CD55: variants seen among roughly 807,000 people sequenced by gnomAD.
CD55 encodes the protein CD55 molecule (Cromer blood group).
A neutral mutation model predicts 45.8 loss-of-function variants in CD55; 41 were observed. That is an observed-to-expected ratio of 0.90 (90% CI 0.70 to 1.16). The LOEUF (loss-of-function observed/expected upper bound fraction) is 1.16. CD55 is among the 50% of genes most tolerant of loss of function. CD55 has a pLI of 0.00. For synonymous variants in CD55, 181 were observed against 181.1 expected (o/e 1.00, Z 0.01); for missense variants, 416 against 469.8 (o/e 0.89, Z 1.06).
In CD55 at chr1:207,331,177, A is replaced by G; in HGVS notation, c.734A>G (p.Tyr245Cys). 6.2e-7 allele frequency: 1 copy of G among 1,613,346 alleles called. No homozygotes were observed. The highest frequency in any genetic ancestry group is 8.5e-7 in the Non-Finnish European group (1 of 1,179,296). Residue 245 changes from tyrosine to cysteine, a missense_variant, in exon 6 of 10, where the codon TAT (tyrosine) becomes TGT (cysteine). This residue lies in a region of CD55 where 182 missense variants were observed against 201.4 expected (regional missense o/e 0.90). Transcript: ENST00000367064. The part of the protein sequence containing the change: ...IIQGERDHYG[Y>C]RQSVTYACNK... ...CAAGGGGAACGTGACCATTATGGAT[A>G]TAGACAGTCTGTAACGTATGCATGT...
Position 207,322,416 on chromosome 1 carries a change from C to T in CD55, c.135C>T (p.Ala45=). ...GCCTTCCCCCAGATGTACCTAATGC[C>T]CAGCCAGCTTTGGAAGGCCGTACAA... The part of the protein sequence containing the change: ...DCGLPPDVPN[A]QPALEGRTSF... Residue 45 remains alanine, a synonymous_variant, in exon 2 of 10, where the codon GCC becomes GCT. Transcript: ENST00000367064. 6.2e-7 allele frequency: 1 copy of T among 1,614,110 alleles called. No homozygotes were observed. The highest frequency in any genetic ancestry group is 8.5e-7 in the Non-Finnish European group (1 of 1,179,968).
At chr1:207,333,229 T>G (rs1655025671) in intron 6 of CD55, among the ~76,000 whole-genome samples, 1 of 152,196 alleles carries the variant, frequency 6.6e-6, no homozygotes, top group African/African-American at 2.4e-5. Context: ...ACATCTGTGC[T>G]CATTTTGAAA....
At chr1:207,349,554 CTCTG>C (rs1655784425) in intron 9 of CD55, among the ~76,000 whole-genome samples, 1 of 152,090 alleles carries the variant, frequency 6.6e-6, no homozygotes, top group Non-Finnish European at 1.5e-5. Flanking sequence ...TTTGTATTGT[CTCTG>C]TCTTCTTTGT....
intron 5 of CD55, among the ~76,000 whole-genome samples, chr1:207,330,704 G>C (rs1401690065): frequency 6.6e-6 from 1 of 152,118 alleles, no homozygotes; most frequent in Admixed American, 6.5e-5. Flanking sequence ...TCAAAAGCAT[G>C]GTACATATTA....
chr1:207,327,524 C>T (rs1216775978), intron 5 of CD55, among the ~76,000 whole-genome samples: 2 of 152,138 alleles, frequency 1.3e-5, no homozygotes, highest in Non-Finnish European at 2.9e-5. Flanking sequence ...ACACATGTCT[C>T]TTGGAAATTG....
chr1:207,359,815 T>C lies in CD55; in HGVS notation c.*205T>C. On this transcript the variant is annotated 3_prime_UTR_variant, in exon 10 of 10. Transcript: ENST00000367064. ...CACATTCTTAGCACACCTACACCTCTTGAAAATAGAACAACTTGCAGAATT... is the reference window on the plus strand; with the variant it reads ...CACATTCTTAGCACACCTACACCTCCTGAAAATAGAACAACTTGCAGAATT... 1 of 441,068 alleles carries C rather than the reference T, an allele frequency of 2.3e-6. No individual in the cohort carries two copies. The highest frequency in any genetic ancestry group is 8.2e-5 in the South Asian group (1 of 12,188). The allele number at this position is 441,068 out of a possible 1,614,324, so 27.3% of individuals were successfully genotyped here. A position where few individuals can be genotyped will look rare whatever the true frequency, so the allele number is the denominator to read the frequency against.
At chr1:207,346,590 C>T (rs577469023) in intron 9 of CD55, among the ~76,000 whole-genome samples, 1 of 152,280 alleles carries the variant, frequency 6.6e-6, no homozygotes, top group Admixed American at 6.5e-5. Context: ...CAGCCCAAAG[C>T]AGCCAGCAGC....
At chr1:207,322,878 C>T (rs1189672583) in intron 2 of CD55, among the ~76,000 whole-genome samples, 4 of 152,082 alleles carry the variant, frequency 2.6e-5, no homozygotes, top group South Asian at 2.1e-4. Flanking sequence ...AGACACATAG[C>T]GTAAATGATA....
At chr1:207,343,876 T>C (rs945291273) in intron 9 of CD55, among the ~76,000 whole-genome samples, 3 of 152,258 alleles carry the variant, frequency 2.0e-5, no homozygotes, top group African/African-American at 4.8e-5. Context: ...AATTGTTATA[T>C]CCTCTTGCTG....
chr1:207,335,891 C>G (rs1436384447), intron 6 of CD55, among the ~76,000 whole-genome samples: 1 of 152,138 alleles, frequency 6.6e-6, no homozygotes, highest in African/African-American at 2.4e-5. Flanking sequence ...ATTACTCAAT[C>G]TGTTCTGCTT....
At chr1:207,333,433 C>CT (rs772467942) in intron 6 of CD55, among the ~76,000 whole-genome samples, 74 of 152,304 alleles carry the variant, frequency 4.9e-4, no homozygotes, top group Admixed American at 1.2e-3. Context: ...AGCTCAATTC[C>CT]TAATAGGTTG....
At chr1:207,342,341 A>G (rs1655460759) in intron 9 of CD55, among the ~76,000 whole-genome samples, 1 of 152,174 alleles carries the variant, frequency 6.6e-6, no homozygotes, top group Non-Finnish European at 1.5e-5. Context: ...CATTATGTTG[A>G]ATAGAAGTGG....
intron 9 of CD55, among the ~76,000 whole-genome samples, chr1:207,342,606 T>A (rs1275239990): frequency 6.6e-6 from 1 of 152,182 alleles, no homozygotes; most frequent in Admixed American, 6.5e-5. Flanking sequence ...GCTAATACTT[T>A]GCTGAGAATT....
Position 207,321,691 on chromosome 1 carries a change from C to A in CD55, c.-75C>A. The A allele has an allele frequency of 1.7e-6, 2 of 1,145,362 alleles. No homozygotes were observed. Among genetic ancestry groups the A allele is most frequent in the African/African-American group, 1.6e-5 (1 of 61,570 alleles). The allele number at this position is 1,145,362 out of a possible 1,614,324, so 70.9% of individuals were successfully genotyped here. ...GCCACGAGGCTTCTGCTTACTGCAA[C>A]TCGCTCCGGCCGCTGGGCGTAGCTG... On this transcript the variant is annotated 5_prime_UTR_variant, in exon 1 of 10. Coordinates refer to ENST00000367064, the MANE Select transcript of CD55 (RefSeq NM_000574.5).
intron 5 of CD55, 86 bp from the exon 6 acceptor site, chr1:207,331,022 T>C: frequency 9.9e-7 from 1 of 1,010,598 alleles, no homozygotes; most frequent in Admixed American, 2.5e-5. Flanking sequence ...TTCTTTAAAA[T>C]ATAATCTTTA....
At chr1:207,339,013 A>G (rs1655302753) in intron 8 of CD55, among the ~76,000 whole-genome samples, 1 of 152,174 alleles carries the variant, frequency 6.6e-6, no homozygotes, top group Non-Finnish European at 1.5e-5. Flanking sequence ...TAGTCTGCTA[A>G]AAGGGACTTA....
chr1:207,354,177 T>G (rs1223561946), intron 9 of CD55: 1 of 1,335,480 alleles, frequency 7.5e-7, no homozygotes. Flanking sequence ...ATCTGTCTAA[T>G]GTAAATTTTG....
intron 1 of CD55, 125 bp from the exon 2 acceptor site, chr1:207,322,257 C>A: frequency 1.2e-6 from 1 of 832,870 alleles, no homozygotes; most frequent in Non-Finnish European, 2.1e-6. Flanking sequence ...GTGGAGCACA[C>A]GATGCTGCAA....
chr1:207,347,282 C>G (rs964347942), intron 9 of CD55: 4 of 445,252 alleles, frequency 9.0e-6, no homozygotes, highest in Non-Finnish European at 1.8e-5. Flanking sequence ...TTTTTTTAGA[C>G]GGAATCTCGC....
Sources: gnomAD v4.1 joint callset for allele counts (sites outside exome capture counted in the v4.1 genomes callset) on GRCh38, gnomAD v4.1.1 for gene constraint, gnomAD v4.1.1 regional missense constraint, MANE v1.5 for transcripts, NCBI Gene and HGNC (gene_info 2026-07-23, HGNC 2026-07-21) for gene names.